The following SATB2 variants were observed in gnomAD, a reference collection of about 807,000 sequenced individuals.
SATB2 encodes DNA-binding protein SATB2.
SATB2 carries 1 observed loss-of-function variant against 73.4 expected under a neutral mutation model. The ratio of observed to expected loss-of-function variants is 0.01; its 90% CI spans 0.00 to 0.06. The LOEUF (loss-of-function observed/expected upper bound fraction) is 0.06. Among genes scored for constraint, SATB2 ranks in the 10% least tolerant of loss-of-function variants. The probability of loss-of-function intolerance (pLI) is 1.00; values close to 1 mark genes in which losing one functional copy is unlikely to be tolerated. For missense variants in SATB2, 459 were observed against 945.8 expected (o/e 0.49, Z 6.75); for synonymous variants, 397 against 367.0 (o/e 1.08, Z -0.93).
At chr2:199,356,068 A>C (rs1048594163) in intron 6 of SATB2, among the ~76,000 whole-genome samples, 3 of 152,096 alleles carry the variant, frequency 2.0e-5, no homozygotes, top group African/African-American at 7.2e-5. Flanking sequence ...AGAAATTTCC[A>C]GAATCTCTGG....
rs1691363499 is a variant in SATB2 at position 199,427,228 on chromosome 2, G to C, written c.346+6110C>G. ...TATTTGAAGGAATTTATAGGACTAG[G>C]ATTTTCATTAAGTTTAGCAAACAAA... On this transcript the variant is annotated intron_variant, in intron 3 of 10. Transcript: ENST00000417098. 2.0e-5 allele frequency among the ~76,000 whole-genome samples: 3 copies of C among 151,984 alleles called. No individual in the cohort carries two copies. In the South Asian group the frequency reaches 6.2e-4, roughly 32 times the overall value.
At chr2:199,378,597 C>T (rs983881177) in intron 5 of SATB2, among the ~76,000 whole-genome samples, 12 of 151,906 alleles carry the variant, frequency 7.9e-5, no homozygotes, top group African/African-American at 2.9e-4. Context: ...GAATGCATGC[C>T]TTCTTGATTT....
chr2:199,467,870 C>T (rs1488424820), upstream of SATB2, among the ~76,000 whole-genome samples: 1 of 152,190 alleles, frequency 6.6e-6, no homozygotes, highest in Non-Finnish European at 1.5e-5. Context: ...TCCACTGCTC[C>T]TCTCGGTCTC....
chr2:199,397,331 T>G (rs567635427), intron 3 of SATB2, among the ~76,000 whole-genome samples: 2 of 152,348 alleles, frequency 1.3e-5, no homozygotes, highest in South Asian at 2.1e-4. Flanking sequence ...GCTTCTGCTA[T>G]TCACAGAATA....
chr2:199,318,078 T>C (rs935184608), intron 9 of SATB2, among the ~76,000 whole-genome samples: 1 of 152,028 alleles, frequency 6.6e-6, no homozygotes, highest in Non-Finnish European at 1.5e-5. Flanking sequence ...AGCTACTCAG[T>C]CAAGGCTGTA....
intron 10 of SATB2, among the ~76,000 whole-genome samples, chr2:199,285,072 A>G (rs1692646286): frequency 6.6e-6 from 1 of 152,156 alleles, no homozygotes; most frequent in African/African-American, 2.4e-5. Context: ...TATTATCTAT[A>G]ATTATTTTTA....
chr2:199,447,937 G>C (rs1692009806), intron 2 of SATB2, among the ~76,000 whole-genome samples: 1 of 36,980 alleles, frequency 2.7e-5, no homozygotes, highest in Admixed American at 3.8e-4. Flanking sequence ...TCTTCTGACT[G>C]TATAATTGTT....
intron 3 of SATB2, among the ~76,000 whole-genome samples, chr2:199,395,642 A>G (rs1296634920): frequency 6.6e-6 from 1 of 152,228 alleles, no homozygotes; most frequent in Non-Finnish European, 1.5e-5. Context: ...AAAAATGATT[A>G]TAAATTTCTT....
chr2:199,394,107 T>C (rs1213101075), intron 3 of SATB2, among the ~76,000 whole-genome samples: 1 of 152,160 alleles, frequency 6.6e-6, no homozygotes, highest in African/African-American at 2.4e-5. Flanking sequence ...ACACAATCAT[T>C]AGGACACGAT....
At chr2:199,314,432 G>A (rs578123117) in intron 9 of SATB2, among the ~76,000 whole-genome samples, 3 of 151,552 alleles carry the variant, frequency 2.0e-5, no homozygotes, top group East Asian at 1.9e-4. Context: ...GCATGAATAC[G>A]ATAGGGAAAA....
intron 10 of SATB2, among the ~76,000 whole-genome samples, chr2:199,303,530 T>G (rs910348169): frequency 6.6e-6 from 1 of 152,214 alleles, no homozygotes; most frequent in Non-Finnish European, 1.5e-5. Flanking sequence ...CAAGCTTTCA[T>G]TCTTGGCATT....
In SATB2 at chr2:199,272,136, A is replaced by G; in HGVS notation, c.*75T>C. The G allele has an allele frequency of 6.9e-7, 1 of 1,450,862 alleles. No homozygotes were observed. Among genetic ancestry groups the G allele is most frequent in the Non-Finnish European group, 9.6e-7 (1 of 1,039,416 alleles). 89.9% of individuals were successfully genotyped at this position (1,450,862 alleles called of 1,614,324 possible). A position where few individuals can be genotyped will look rare whatever the true frequency, so the allele number is the denominator to read the frequency against. ...CAAAAACAAAAACAAAAAACAAACTAACAAAAAACTTTTAAAGAAATGAAA... is the reference window on the plus strand; with the variant it reads ...CAAAAACAAAAACAAAAAACAAACTGACAAAAAACTTTTAAAGAAATGAAA... On this transcript the variant is annotated 3_prime_UTR_variant, in exon 11 of 11. Transcript: ENST00000417098. The surrounding 1 kb of genome is among the most constrained non-coding windows in gnomAD (Gnocchi z 6.7).
intron 9 of SATB2, among the ~76,000 whole-genome samples, chr2:199,311,983 G>A (rs1687610193): frequency 6.6e-6 from 1 of 151,574 alleles, no homozygotes; most frequent in Non-Finnish European, 1.5e-5. Flanking sequence ...CCCATATTGG[G>A]ATTTTTTTTC....
chr2:199,366,780 A>G, intron 6 of SATB2, among the ~76,000 whole-genome samples: 1 of 151,086 alleles, frequency 6.6e-6, no homozygotes, highest in East Asian at 1.9e-4. Context: ...CTTTTACAGC[A>G]CTTAAAGATT....
intron 9 of SATB2, among the ~76,000 whole-genome samples, chr2:199,320,599 C>T (rs759888875): frequency 3.3e-5 from 5 of 152,046 alleles, no homozygotes; most frequent in Admixed American, 6.6e-5. Context: ...CTCATGTAAC[C>T]CATACACTAG....
chr2:199,274,808 C>A (rs898970045), intron 10 of SATB2, among the ~76,000 whole-genome samples: 3 of 150,648 alleles, frequency 2.0e-5, no homozygotes, highest in African/African-American at 7.4e-5. Flanking sequence ...CTAATTATAC[C>A]CGGCAGGAAA....
chr2:199,384,773 A>C, intron 3 of SATB2, among the ~76,000 whole-genome samples: 1 of 152,212 alleles, frequency 6.6e-6, no homozygotes, highest in Non-Finnish European at 1.5e-5. Context: ...AACTGGAACA[A>C]TAAAAGTACT....
intron 6 of SATB2, among the ~76,000 whole-genome samples, chr2:199,360,543 A>C (rs927353094): frequency 6.6e-6 from 1 of 151,934 alleles, no homozygotes; most frequent in Non-Finnish European, 1.5e-5. Context: ...CCATCTCTAG[A>C]ACCTTCCCTC....
At chr2:199,415,016 C>T (rs963431758) in intron 3 of SATB2, among the ~76,000 whole-genome samples, 1 of 151,970 alleles carries the variant, frequency 6.6e-6, no homozygotes, top group African/African-American at 2.4e-5. Flanking sequence ...TGCAAAACAT[C>T]GGGGAAAATA....
Sources: gnomAD v4.1 joint callset for allele counts (sites outside exome capture counted in the v4.1 genomes callset) on GRCh38, gnomAD v4.1.1 for gene constraint, Gnocchi (gnomAD v3.1) non-coding constraint, MANE v1.5 for transcripts, NCBI Gene and HGNC (gene_info 2026-07-23, HGNC 2026-07-21) for gene names.